Variants in HNF1A observed in about 807,000 individuals in gnomAD.
The protein encoded by HNF1A is hepatocyte nuclear factor 1-alpha.
A neutral mutation model predicts 62.2 loss-of-function variants in HNF1A; 21 were observed. That is an observed-to-expected ratio of 0.34 (90% CI 0.24 to 0.49). HNF1A has a LOEUF of 0.49. HNF1A is among the 20% of genes least tolerant of loss of function. The pLI is 0.99. For missense variants in HNF1A, 687 were observed against 832.3 expected, an observed-to-expected ratio of 0.83 and a Z score of 2.15; for synonymous variants, 374 against 366.8, an observed-to-expected ratio of 1.02 and a Z score of -0.22.
intron 2 of HNF1A, among the ~76,000 whole-genome samples, chr12:120,989,699 T>C (rs1277911451): frequency 1.3e-5 from 2 of 152,198 alleles, no homozygotes; most frequent in Non-Finnish European, 2.9e-5. Flanking sequence ...TCATGCATTT[T>C]TGGGGTGCCT....
intron 7 of HNF1A, among the ~76,000 whole-genome samples, chr12:120,999,017 G>T (rs1877270273): frequency 6.6e-6 from 1 of 152,214 alleles, no homozygotes. Context: ...GTGACAAGAG[G>T]AGCTGGAGTT....
At chr12:120,999,648 C>T (rs1395350089) in intron 9 of HNF1A, 21 bp downstream of exon 9, 9 of 1,602,648 alleles carry the variant, frequency 5.6e-6, no homozygotes, top group South Asian at 1.1e-5. Flanking sequence ...CTGGCTCCAC[C>T]CCCTCCCTTA....
intron 1 of HNF1A, among the ~76,000 whole-genome samples, chr12:120,986,513 A>T (rs192175429): frequency 1.3e-5 from 2 of 152,316 alleles, no homozygotes; most frequent in East Asian, 3.9e-4. Context: ...ACGCAGACCC[A>T]AGTTCAAATC....
In HNF1A at chr12:120,978,726, AGCGTGGTGGACCCGGGCC is replaced by A; in HGVS notation, c.-36_-19del. 6.3e-7 allele frequency: 1 copy of A among 1,579,586 alleles called. No individual in the cohort carries two copies. Among genetic ancestry groups the A allele is most frequent in the Non-Finnish European group, 8.7e-7 (1 of 1,150,602 alleles). ...AACCCACGCGGTGGGGGAGGCGGCT[AGCGTGGTGGACCCGGGCC>A]GCGTGGCCCTGTGGCAGCCGAGCCA... On this transcript the variant is annotated 5_prime_UTR_variant, in exon 1 of 10. Transcript: ENST00000257555.
At chr12:120,981,290 T>A (rs1412868770) in intron 1 of HNF1A, among the ~76,000 whole-genome samples, 1 of 152,130 alleles carries the variant, frequency 6.6e-6, no homozygotes, top group Non-Finnish European at 1.5e-5. Flanking sequence ...GAAGCCGGGG[T>A]GGGTCCTGGG....
chr12:120,984,448 A>G (rs2135826601), intron 1 of HNF1A, among the ~76,000 whole-genome samples: 1 of 152,210 alleles, frequency 6.6e-6, no homozygotes. Context: ...AAGAGGTGAG[A>G]GGAAGACTGA....
At chr12:121,000,135 G>A (rs3999413) in intron 9 of HNF1A, among the ~76,000 whole-genome samples, 19,957 of 152,176 alleles carry the variant, frequency 0.13, 1,761 homozygotes, top group Non-Finnish European at 0.19. Context: ...GACCCCTGGC[G>A]GTGGGGCGGT....
Position 120,979,154 on chromosome 12 carries a change from C to T in HNF1A, c.326+60C>T. 1.4e-6 allele frequency: 2 copies of T among 1,444,284 alleles called. 1 individual carries two copies. Among genetic ancestry groups the T allele is most frequent in the South Asian group, 2.4e-5 (2 of 82,362 alleles). The allele number at this position is 1,444,284 out of a possible 1,614,324, so 89.5% of individuals were successfully genotyped here. On this transcript the variant is annotated intron_variant, in intron 1 of 9. Transcript: ENST00000257555. ...AGCCTAGAGGGGCCCCCCTCAGCTCCTAACGAGCCCCCCTTCTGAGTTGAG... is the reference window on the plus strand; with the variant it reads ...AGCCTAGAGGGGCCCCCCTCAGCTCTTAACGAGCCCCCCTTCTGAGTTGAG...
intron 2 of HNF1A, 111 bp from the exon 3 acceptor site, chr12:120,993,409 C>T: frequency 3.9e-6 from 4 of 1,033,272 alleles, no homozygotes; most frequent in Non-Finnish European, 5.9e-6. Context: ...GCTGTAAGCT[C>T]CTCTGGTTCA....
chr12:120,988,698 C>T lies in HNF1A; in HGVS notation c.327-135C>T. The T allele has an allele frequency of 3.9e-6, 3 of 764,798 alleles. No homozygotes were observed. In the South Asian group the frequency reaches 4.5e-5, roughly 11 times the overall value. The allele number at this position is 764,798 out of a possible 1,614,324, so 47.4% of individuals were successfully genotyped here. A position where few individuals can be genotyped will look rare whatever the true frequency, so the allele number is the denominator to read the frequency against. On this transcript the variant is annotated intron_variant, in intron 1 of 9. Coordinates refer to ENST00000257555, the MANE Select transcript of HNF1A (RefSeq NM_000545.8). ...ACCGTCCCTGAGTCTATGTGTAGGC[C>T]CCTGGGCTCCATAACTGCTTTCATG...
At chr12:121,000,662 G>A (rs887564433) in intron 9 of HNF1A, 1 of 288,362 alleles carries the variant, frequency 3.5e-6, no homozygotes, top group African/African-American at 2.2e-5. Context: ...ACTGATGTAG[G>A]AGGCCCACCC....
chr12:120,979,041 C>A lies in HNF1A; in HGVS notation c.273C>A (p.Asn91Lys), dbSNP rs748298431. The A allele has an allele frequency of 9.9e-6, 16 of 1,612,134 alleles. No individual in the cohort carries two copies. The highest frequency in any genetic ancestry group is 5.0e-5 in the Admixed American group (3 of 59,720). ...CACCCATCCTCAAAGAGCTGGAGAACCTCAGCCCTGAGGAGGCGGCCCACC... is the reference window on the plus strand; with the variant it reads ...CACCCATCCTCAAAGAGCTGGAGAAACTCAGCCCTGAGGAGGCGGCCCACC... Reference protein sequence around the residue: ...FTPPILKELENLSPEEAAHQK... With the variant: ...FTPPILKELEKLSPEEAAHQK... Residue 91 changes from asparagine to lysine, a missense_variant, in exon 1 of 10, where the codon AAC becomes AAA. Physicochemically the swap from Asn to Lys is moderately conservative, Grantham distance 94. This residue lies in a region of HNF1A where 159 missense variants were observed against 154.4 expected (regional missense o/e 1.03). Transcript: ENST00000257555.
intron 2 of HNF1A, among the ~76,000 whole-genome samples, chr12:120,992,872 CT>C (rs1876901830): frequency 6.6e-6 from 1 of 152,176 alleles, no homozygotes; most frequent in Non-Finnish European, 1.5e-5. Flanking sequence ...GGCCCTGCTG[CT>C]GCTGCTGCGC....
intron 1 of HNF1A, among the ~76,000 whole-genome samples, chr12:120,986,872 A>T (rs546272544): frequency 1.3e-5 from 2 of 152,282 alleles, no homozygotes; most frequent in East Asian, 1.9e-4. Flanking sequence ...TACAGGTGTG[A>T]GTCACTGCAC....
chr12:120,995,763 C>T (rs913367922), intron 4 of HNF1A, among the ~76,000 whole-genome samples: 5 of 152,056 alleles, frequency 3.3e-5, no homozygotes, highest in African/African-American at 9.7e-5. Flanking sequence ...CCTCCCCACC[C>T]GTCCTCTCCA....
Position 120,994,225 on chromosome 12 carries a change from G to T in HNF1A, c.775G>T (p.Val259Phe). 1 of 1,613,576 alleles carries T rather than the reference G, an allele frequency of 6.2e-7. No individual in the cohort carries two copies. The highest frequency in any genetic ancestry group is 8.5e-7 in the Non-Finnish European group (1 of 1,179,786). Residue 259 changes from valine to phenylalanine, a missense_variant, in exon 4 of 10, where the codon GTC becomes TTC. Val to Phe is a conservative substitution (Grantham distance 50). Coordinates refer to ENST00000257555, the MANE Select transcript of HNF1A (RefSeq NM_000545.8). ...GGCACAGGGGCTGGGCTCCAACCTC[G>T]TCACGGAGGTGCGTGTCTACAACTG... The part of the protein sequence containing the change: ...SQAQGLGSNL[V>F]TEVRVYNWFA...
Position 121,001,048 on chromosome 12 carries a change from C to G in HNF1A, c.1769-17C>G. 6.2e-7 allele frequency: 1 copy of G among 1,612,636 alleles called. No homozygotes were observed. The highest frequency in any genetic ancestry group is 8.5e-7 in the Non-Finnish European group (1 of 1,179,774). ...GGGTGCCTGGTGGGTGGCTAGCAGC[C>G]TTGTTTGCCTCTGCAGTGTCCTCCA... On this transcript the variant is annotated splice_polypyrimidine_tract_variant and intron_variant, in intron 9 of 9. Coordinates refer to ENST00000257555, the MANE Select transcript of HNF1A (RefSeq NM_000545.8).
In HNF1A at chr12:120,989,042, G is replaced by A. The variant is rs1272287527; in HGVS notation, c.526+10G>A. 6.2e-7 allele frequency: 1 copy of A among 1,613,820 alleles called. No individual in the cohort carries two copies. The highest frequency in any genetic ancestry group is 8.5e-7 in the Non-Finnish European group (1 of 1,179,910). ...CGAGAGGTGGCGCAGCGTAAGTAAT[G>A]ACCCTACCCCGCATCTTCCCTGGGA... On this transcript the variant is annotated intron_variant, in intron 2 of 9. Transcript: ENST00000257555.
At chr12:120,992,731 G>C (rs1178515143) in intron 2 of HNF1A, among the ~76,000 whole-genome samples, 1 of 152,154 alleles carries the variant, frequency 6.6e-6, no homozygotes, top group Non-Finnish European at 1.5e-5. Flanking sequence ...AAGAGTTCAA[G>C]ACCAGCCTGG....
Sources: gnomAD v4.1 joint callset for allele counts (sites outside exome capture counted in the v4.1 genomes callset) on GRCh38, gnomAD v4.1.1 for gene constraint, gnomAD v4.1.1 regional missense constraint, MANE v1.5 for transcripts, NCBI Gene and HGNC (gene_info 2026-07-23, HGNC 2026-07-21) for gene names.